RINT1: variants seen among roughly 807,000 people sequenced by gnomAD.
RINT1 encodes the protein RAD50-interacting protein 1.
In RINT1, 75 loss-of-function variants were observed where a neutral mutation model predicts 97.7. The ratio of observed to expected loss-of-function variants is 0.77; its 90% CI spans 0.64 to 0.93. The LOEUF (loss-of-function observed/expected upper bound fraction) is 0.93. Ranked by LOEUF, RINT1 falls within the 40% of genes least tolerant of loss-of-function variation. The pLI is 0.00. For missense variants in RINT1, 892 were observed against 925.2 expected, an observed-to-expected ratio of 0.96 and a Z score of 0.47; for synonymous variants, 303 against 326.3, an observed-to-expected ratio of 0.93 and a Z score of 0.77.
rs77538953 is a variant in RINT1, at chr7:105,561,100, GAAAA to G, written c.1672-2621_1672-2618del. On this transcript the variant is annotated intron_variant, in intron 11 of 14. Coordinates refer to ENST00000257700, the MANE Select transcript of RINT1 (RefSeq NM_021930.6). ...GCCTAATGCTATTCAGAGTTTTAGA[GAAAA>G]AAAAAAAAAAACCTTGGCAAGGTGA... Among the ~76,000 whole-genome samples the G allele has an allele frequency of 8.2e-4, 110 of 134,670 alleles. 1 individual carries two copies. Among genetic ancestry groups the G allele is most frequent in the African/African-American group, 2.5e-3 (95 of 38,444 alleles). 88.3% of individuals were successfully genotyped at this position (134,670 alleles called of 152,430 possible). A position where few individuals can be genotyped will look rare whatever the true frequency, so the allele number is the denominator to read the frequency against.
chr7:105,536,348 G>A (rs371925973), intron 2 of RINT1, among the ~76,000 whole-genome samples: 1 of 151,926 alleles, frequency 6.6e-6, no homozygotes, highest in African/African-American at 2.4e-5. Flanking sequence ...TAGTAGAGAC[G>A]GGATTTCGCC....
chr7:105,555,173 T>A lies in RINT1; in HGVS notation c.1617T>A (p.Ile539=), dbSNP rs1203373982. ...RASLGFRYCA[I]LNAVNYISTV... is the part of the protein sequence containing the mutation. ...CCCTTGGCTTTCGATACTGTGCAAT[T>A]CTTAATGCTGTGAACTACATCTCAA... The change falls in exon 11 of 15, where the codon ATT becomes ATA. Residue 539 remains isoleucine (I), a synonymous_variant. Transcript: ENST00000257700. 6 of 1,614,088 alleles carry A rather than the reference T, an allele frequency of 3.7e-6. No individual in the cohort carries two copies. The highest frequency in any genetic ancestry group is 5.1e-6 in the Non-Finnish European group (6 of 1,180,008).
In RINT1 at chr7:105,548,717, T is replaced by G; in HGVS notation, c.996+7T>G. The G allele has an allele frequency of 6.3e-7, 1 of 1,598,760 alleles. No homozygotes were observed. The highest frequency in any genetic ancestry group is 8.5e-7 in the Non-Finnish European group (1 of 1,171,640). On this transcript the variant is annotated splice_region_variant and intron_variant, in intron 7 of 14. Coordinates refer to ENST00000257700, the MANE Select transcript of RINT1 (RefSeq NM_021930.6). Reference sequence around the variant, plus strand: ...GACTAATGTGTTAAGCAAGGTGTGTTTTGCCAGCTCTTGTCCTTGGTTTTT... The same window carrying G: ...GACTAATGTGTTAAGCAAGGTGTGTGTTGCCAGCTCTTGTCCTTGGTTTTT...
At chr7:105,550,609 T>A (rs1000852507) in intron 9 of RINT1, 123 bp downstream of exon 9, 5 of 705,924 alleles carry the variant, frequency 7.1e-6, no homozygotes, top group Admixed American at 2.9e-5. Flanking sequence ...CTTTTCAGGG[T>A]TTTCTGTTTC....
intron 2 of RINT1, among the ~76,000 whole-genome samples, chr7:105,535,213 T>C (rs1015859994): frequency 9.9e-5 from 15 of 151,498 alleles, no homozygotes; most frequent in Non-Finnish European, 1.5e-4. Flanking sequence ...ATCGATGACA[T>C]TTGAAGCTTA....
At chr7:105,565,684 C>A in intron 14 of RINT1, 36 bp downstream of exon 14, 1 of 1,350,264 alleles carries the variant, frequency 7.4e-7, no homozygotes, top group Non-Finnish European at 1.1e-6. Context: ...ATTAATGTAT[C>A]AAATTGTTAC....
intron 11 of RINT1, among the ~76,000 whole-genome samples, chr7:105,555,998 A>T (rs1706914): frequency 0.32 from 48,829 of 151,690 alleles, 8,784 homozygotes; most frequent in African/African-American, 0.49. Flanking sequence ...TCATGTATCA[A>T]ATTTTCAAAT....
intron 11 of RINT1, among the ~76,000 whole-genome samples, chr7:105,561,550 ATAGT>A (rs1439168021): frequency 1.3e-5 from 2 of 152,006 alleles, no homozygotes; most frequent in African/African-American, 4.8e-5. Flanking sequence ...AAACAAGTAG[ATAGT>A]GTCATTTTTT....
In RINT1 at chr7:105,533,783, C is replaced by T. The variant is rs181887498; in HGVS notation, c.88+914C>T. On this transcript the variant is annotated intron_variant, in intron 2 of 14. Coordinates refer to ENST00000257700, the MANE Select transcript of RINT1 (RefSeq NM_021930.6). ...AGTGCCTTGTATCTCTCAGTTAAAC[C>T]CTTCCCTTTCCATTTTCCACCTTTG... is the stretch of plus-strand genomic sequence containing the variant. 2.7e-4 allele frequency among the ~76,000 whole-genome samples: 41 copies of T among 152,238 alleles called. No homozygotes were observed. In the East Asian group the frequency reaches 7.3e-3, roughly 27 times the overall value.
At chr7:105,560,655 G>A (rs1388889808) in intron 11 of RINT1, among the ~76,000 whole-genome samples, 2 of 151,984 alleles carry the variant, frequency 1.3e-5, no homozygotes, top group Non-Finnish European at 2.9e-5. Context: ...TTTATTTCAA[G>A]AACTTTAAAA....
chr7:105,536,713 A>G lies in RINT1; in HGVS notation c.237A>G (p.Glu79=). ...TAAAGAAACTTGATAAACTCATAGA[A>G]CAGAGGACAGTAAGTAAAATGCAGT... ...KSLKKLDKLI[E]QRTVSKMQLE... is the part of the protein sequence containing the mutation. The change falls in exon 3 of 15, where the codon GAA becomes GAG. Residue 79 remains glutamate (E), a synonymous_variant. Transcript: ENST00000257700. 1.2e-6 allele frequency: 2 copies of G among 1,605,624 alleles called. No individual in the cohort carries two copies. Among genetic ancestry groups the G allele is most frequent in the Non-Finnish European group, 1.7e-6 (2 of 1,177,084 alleles).
chr7:105,562,901 T>TCAAAACAAAAAAAAAAAAA (rs1791501298), intron 11 of RINT1, among the ~76,000 whole-genome samples: 1 of 152,012 alleles, frequency 6.6e-6, no homozygotes, highest in East Asian at 1.9e-4. Flanking sequence ...AGATTCCGTC[T>TCAAAACAAAAAAAAAAAAA]CAAAACAAAA....
intron 11 of RINT1, among the ~76,000 whole-genome samples, chr7:105,559,540 C>CAAAAAAAAAAAA (rs60718751): frequency 1.7e-5 from 1 of 59,018 alleles, no homozygotes; most frequent in Non-Finnish European, 2.9e-5. Flanking sequence ...GACTCTGTCT[C>CAAAAAAAAAAAA]AAAAAAAAAA....
chr7:105,532,355 C>A lies in RINT1; in HGVS notation c.40C>A (p.Pro14Thr). The A allele has an allele frequency of 6.2e-7, 1 of 1,601,464 alleles. No homozygotes were observed. Among genetic ancestry groups the A allele is most frequent in the East Asian group, 2.3e-5 (1 of 44,366 alleles). The change falls in exon 1 of 15, where the codon CCG (proline) becomes ACG (threonine). Residue 14 changes from proline (P) to threonine (T), a missense_variant and splice_region_variant. Pro to Thr is a conservative substitution (Grantham distance 38, BLOSUM62 -1). Transcript: ENST00000257700. The stretch of plus-strand genomic sequence containing the variant: ...CGAGATCGGCGCCTCTCCTGCAGCC[C>A]CGGTGAGACGGCCCTGGCGTCCCTG... Reference protein sequence around the residue: ...AGEIGASPAAPCCSESGDERK... With the variant: ...AGEIGASPAATCCSESGDERK...
rs1474615147 is a variant in RINT1, at chr7:105,535,212, A to C, written c.89-1353A>C. ...ATCTTTGTACAATGACATCGATGAC[A>C]TTTGAAGCTTAAAAACCTTTTTTTT... On this transcript the variant is annotated intron_variant, in intron 2 of 14. Transcript: ENST00000257700. 2.7e-5 allele frequency among the ~76,000 whole-genome samples: 4 copies of C among 148,178 alleles called. No homozygotes were observed. The East Asian group carries it at 7.8e-4, about 29-fold the overall frequency.
rs376786488 is a variant in RINT1 at position 105,532,367 on chromosome 7, C to A, written c.42+10C>A. On this transcript the variant is annotated intron_variant, in intron 1 of 14. Transcript: ENST00000257700. ...CTCTCCTGCAGCCCCGGTGAGACGGCCCTGGCGTCCCTGGGAGGGGACATT... is the reference window on the plus strand; with the variant it reads ...CTCTCCTGCAGCCCCGGTGAGACGGACCTGGCGTCCCTGGGAGGGGACATT... 1 of 1,599,288 alleles carries A rather than the reference C, an allele frequency of 6.3e-7. No individual in the cohort carries two copies. Among genetic ancestry groups the A allele is most frequent in the Non-Finnish European group, 8.5e-7 (1 of 1,174,510 alleles).
chr7:105,532,808 T>G lies in RINT1; in HGVS notation c.43-16T>G. The G allele has an allele frequency of 6.2e-7, 1 of 1,613,852 alleles. No homozygotes were observed. The highest frequency in any genetic ancestry group is 8.5e-7 in the Non-Finnish European group (1 of 1,179,830). ...CTTTAATCTTAATGTGCTTGTCACATCTGTTCTTCTTCTAGTGCTGCTCTG... is the reference window on the plus strand; with the variant it reads ...CTTTAATCTTAATGTGCTTGTCACAGCTGTTCTTCTTCTAGTGCTGCTCTG... On this transcript the variant is annotated splice_polypyrimidine_tract_variant and intron_variant, in intron 1 of 14. Coordinates refer to ENST00000257700, the MANE Select transcript of RINT1 (RefSeq NM_021930.6).
chr7:105,555,297 T>G, intron 11 of RINT1, 70 bp downstream of exon 11: 1 of 1,311,170 alleles, frequency 7.6e-7, no homozygotes, highest in East Asian at 2.4e-5. Flanking sequence ...CTTTTCAAAA[T>G]GTTGAATCTA....
chr7:105,533,827 A>G (rs536792321), intron 2 of RINT1, among the ~76,000 whole-genome samples: 3 of 152,212 alleles, frequency 2.0e-5, no homozygotes, highest in Admixed American at 6.5e-5. Flanking sequence ...AGATGCCTGG[A>G]AAGTAGTCTG....
Sources: gnomAD v4.1 joint callset for allele counts (sites outside exome capture counted in the v4.1 genomes callset) on GRCh38, gnomAD v4.1.1 for gene constraint, MANE v1.5 for transcripts, NCBI Gene and HGNC (gene_info 2026-07-23, HGNC 2026-07-21) for gene names.